KLHL29: variants seen among roughly 807,000 people sequenced by gnomAD.
KLHL29 encodes the protein kelch like family member 29.
Under a neutral mutation model 80.4 loss-of-function variants are expected in KLHL29, and 21 were observed. The observed-to-expected ratio is 0.26, with a 90% CI of 0.19 to 0.38. The LOEUF (loss-of-function observed/expected upper bound fraction) is 0.38, where lower values mean the gene tolerates loss of function less well. Among genes scored for constraint, KLHL29 ranks in the 10% least tolerant of loss-of-function variants. The pLI is 1.00. For missense variants in KLHL29, 867 were observed against 1,223.9 expected (o/e 0.71, Z 4.35); for synonymous variants, 511 against 526.8 (o/e 0.97, Z 0.41).
rs556121722 is a variant in KLHL29 at position 23,443,340 on chromosome 2, T to TA, written c.-153-32214dup. Among the ~76,000 whole-genome samples, 68 of 152,306 alleles carry TA rather than the reference T, an allele frequency of 4.5e-4. No individual in the cohort carries two copies. The South Asian group carries it at 0.014, about 31-fold the overall frequency. ...ACAGTGGTCATTACACCTAATAAGATAAAAAATTCTCCACAATCATCTAAC... is the reference window on the plus strand; with the variant it reads ...ACAGTGGTCATTACACCTAATAAGATAAAAAAATTCTCCACAATCATCTAAC... On this transcript the variant is annotated intron_variant, in intron 1 of 13. Transcript: ENST00000486442.
At position 23,677,696 on chromosome 2, in the gene KLHL29, C is replaced by G. The variant is rs903756889; in HGVS notation, c.941-6703C>G. Among the ~76,000 whole-genome samples, 2 of 152,340 alleles carry G rather than the reference C, an allele frequency of 1.3e-5. 1 individual carries two copies. On this transcript the variant is annotated intron_variant, in intron 5 of 13. Coordinates refer to ENST00000486442, the MANE Select transcript of KLHL29 (RefSeq NM_052920.2). ...CATTCCGCTTGGGAGGCGCGTGGAGCAGCAGCGGGACGTTCTGTTTGTGTA... is the reference window on the plus strand; with the variant it reads ...CATTCCGCTTGGGAGGCGCGTGGAGGAGCAGCGGGACGTTCTGTTTGTGTA...
intron 3 of KLHL29, among the ~76,000 whole-genome samples, chr2:23,593,710 T>C (rs899993224): frequency 1.3e-5 from 2 of 152,188 alleles, no homozygotes; most frequent in Non-Finnish European, 2.9e-5. Flanking sequence ...AACCCAGCTG[T>C]GAAATGCAGT....
intron 1 of KLHL29, among the ~76,000 whole-genome samples, chr2:23,439,870 A>G (rs1032363791): frequency 1.3e-5 from 2 of 151,982 alleles, no homozygotes; most frequent in Non-Finnish European, 2.9e-5. Context: ...TATCCTTGTT[A>G]ACTTTCTGTC....
At chr2:23,703,142 C>T in intron 11 of KLHL29, 44 bp from the exon 12 acceptor site, 1 of 1,354,380 alleles carries the variant, frequency 7.4e-7, no homozygotes, top group Non-Finnish European at 9.7e-7. Context: ...CTGCCCCGCA[C>T]AAGGTCCATC....
intron 6 of KLHL29, among the ~76,000 whole-genome samples, chr2:23,686,856 C>A (rs1671283645): frequency 6.6e-6 from 1 of 152,170 alleles, no homozygotes; most frequent in African/African-American, 2.4e-5. Context: ...CAAAGCCAAG[C>A]CCAGGGTGCC....
intron 2 of KLHL29, among the ~76,000 whole-genome samples, chr2:23,518,115 C>A (rs1449973713): frequency 1.3e-5 from 2 of 152,150 alleles, no homozygotes; most frequent in African/African-American, 4.8e-5. Context: ...CTGAATTATC[C>A]TTGTTCTGGG....
At chr2:23,671,735 T>A (rs1235574607) in intron 5 of KLHL29, among the ~76,000 whole-genome samples, 1 of 152,178 alleles carries the variant, frequency 6.6e-6, no homozygotes, top group Non-Finnish European at 1.5e-5. Context: ...GGCCTCCGAA[T>A]GGAAAGAGAG....
intron 5 of KLHL29, among the ~76,000 whole-genome samples, chr2:23,678,895 C>T (rs989837027): frequency 9.2e-5 from 14 of 151,820 alleles, no homozygotes; most frequent in South Asian, 6.2e-4. Context: ...TGGTGGTTGC[C>T]GGGGATGAGT....
At chr2:23,434,138 G>A (rs1197300713) in intron 1 of KLHL29, among the ~76,000 whole-genome samples, 1 of 151,886 alleles carries the variant, frequency 6.6e-6, no homozygotes, top group Non-Finnish European at 1.5e-5. Context: ...TGGCTAACAC[G>A]GTGAAACCCC....
chr2:23,509,293 G>A (rs774235103), intron 2 of KLHL29, among the ~76,000 whole-genome samples: 2 of 152,188 alleles, frequency 1.3e-5, no homozygotes. Context: ...CCCAGCTGAG[G>A]CTGGGAAGTG....
intron 1 of KLHL29, among the ~76,000 whole-genome samples, chr2:23,395,517 T>C (rs2723148): frequency 0.75 from 113,969 of 152,072 alleles, 42,863 homozygotes; most frequent in African/African-American, 0.81. Flanking sequence ...GAGGCCGAGG[T>C]GGGCGGATCA....
At chr2:23,507,300 G>T in intron 2 of KLHL29, 1 of 209,844 alleles carries the variant, frequency 4.8e-6, no homozygotes. Flanking sequence ...GAAAGAAAAT[G>T]AACAAAGGAG....
At chr2:23,654,518 C>T (rs935282347) in intron 5 of KLHL29, among the ~76,000 whole-genome samples, 1 of 152,158 alleles carries the variant, frequency 6.6e-6, no homozygotes, top group Non-Finnish European at 1.5e-5. Context: ...ATTCCTCTCC[C>T]AGAAAGCAGA....
intron 5 of KLHL29, among the ~76,000 whole-genome samples, chr2:23,657,665 C>G (rs1287795978): frequency 1.3e-5 from 2 of 152,226 alleles, no homozygotes; most frequent in African/African-American, 2.4e-5. Context: ...AAAGAATTCA[C>G]TGGCCCTCTC....
At chr2:23,451,407 C>T (rs966377474) in intron 1 of KLHL29, among the ~76,000 whole-genome samples, 2 of 152,196 alleles carry the variant, frequency 1.3e-5, no homozygotes, top group South Asian at 4.1e-4. Flanking sequence ...TGTTTGTTTT[C>T]ATTCCCACAG....
intron 5 of KLHL29, among the ~76,000 whole-genome samples, chr2:23,671,641 C>A (rs531596803): frequency 6.6e-6 from 1 of 152,270 alleles, no homozygotes; most frequent in South Asian, 2.1e-4. Context: ...CTCACTCGGC[C>A]TTTTCCCAGC....
chr2:23,394,710 G>A (rs1312975125), intron 1 of KLHL29, among the ~76,000 whole-genome samples: 1 of 152,228 alleles, frequency 6.6e-6, no homozygotes, highest in African/African-American at 2.4e-5. Context: ...TTGAGGTCCA[G>A]CTAATTTTCT....
In KLHL29 at chr2:23,562,215, C is replaced by G. The variant is rs770052574; in HGVS notation, c.19C>G (p.Arg7Gly). ...CACCGAGATGTCCCGGCACCATAGCCGCTTCGAAAGAGATTACCGGGTGGG... is the reference window on the plus strand; with the variant it reads ...CACCGAGATGTCCCGGCACCATAGCGGCTTCGAAAGAGATTACCGGGTGGG... The part of the protein sequence containing the change: MSRHHS[R>G]FERDYRVGWD... Residue 7 changes from arginine to glycine, a missense_variant, in exon 3 of 14, where the codon CGC becomes GGC. This residue lies in a region of KLHL29 where 424 missense variants were observed against 456.9 expected (regional missense o/e 0.93). Transcript: ENST00000486442. The surrounding 1 kb of genome is among the most constrained non-coding windows in gnomAD (Gnocchi z 4.5). 6.4e-7 allele frequency: 1 copy of G among 1,550,722 alleles called. No homozygotes were observed. The highest frequency in any genetic ancestry group is 8.7e-7 in the Non-Finnish European group (1 of 1,146,970).
At chr2:23,629,359 C>T (rs1386464350) in intron 3 of KLHL29, among the ~76,000 whole-genome samples, 2 of 151,278 alleles carry the variant, frequency 1.3e-5, no homozygotes, top group South Asian at 2.1e-4. Context: ...CAAAGACTTT[C>T]GTTTGTGATG....
Sources: gnomAD v4.1 joint callset for allele counts (sites outside exome capture counted in the v4.1 genomes callset) on GRCh38, gnomAD v4.1.1 for gene constraint, gnomAD v4.1.1 regional missense constraint, Gnocchi (gnomAD v3.1) non-coding constraint, MANE v1.5 for transcripts, NCBI Gene and HGNC (gene_info 2026-07-23, HGNC 2026-07-21) for gene names.